The following CSMD3 variants were observed in gnomAD, a reference collection of about 807,000 sequenced individuals.
CSMD3 encodes CUB and Sushi multiple domains 3.
Under a neutral mutation model 435.2 loss-of-function variants are expected in CSMD3, and 177 were observed. The ratio of observed to expected loss-of-function variants is 0.41; its 90% CI spans 0.36 to 0.46. CSMD3 has a LOEUF of 0.46. Among genes scored for constraint, CSMD3 ranks in the 20% least tolerant of loss-of-function variants. The pLI is 0.34. For synonymous variants in CSMD3, 1,656 were observed against 1,520.5 expected (o/e 1.09, Z -2.07); for missense variants, 4,265 against 4,504.6 (o/e 0.95, Z 1.52).
In CSMD3 at chr8:112,958,751, C is replaced by A. The variant is rs183063515; in HGVS notation, c.1343-3990G>T. 7.2e-4 allele frequency among the ~76,000 whole-genome samples: 110 copies of A among 152,198 alleles called. 1 individual carries two copies. The highest frequency in any genetic ancestry group is 2.5e-3 in the African/African-American group (104 of 41,534). The stretch of plus-strand genomic sequence containing the variant: ...AGATTGATTTTGTTTCCAATATCAA[C>A]TTTTTTGATGAAACAGGCATTTGTC... On this transcript the variant is annotated intron_variant, in intron 7 of 70. Transcript: ENST00000297405.
rs749285609 is a variant in CSMD3 at position 112,800,217 on chromosome 8, C to T, written c.1917G>A (p.Leu639=). The change falls in exon 13 of 71, where the codon CTG becomes CTA. Residue 639 remains leucine (L), a synonymous_variant. Transcript: ENST00000297405. The part of the protein sequence containing the change: ...LIVSMSSQMW[L]HLQTDESVGS... Reference sequence around the variant, plus strand: ...CAACACTTTCGTCCGTTTGAAGGTGCAGCCACATTTGGCTACTCATGCTCA... The same window carrying T: ...CAACACTTTCGTCCGTTTGAAGGTGTAGCCACATTTGGCTACTCATGCTCA... 4 of 1,612,938 alleles carry T rather than the reference C, an allele frequency of 2.5e-6. No individual in the cohort carries two copies. The highest frequency in any genetic ancestry group is 2.5e-6 in the Non-Finnish European group (3 of 1,179,168).
At position 112,224,520 on chromosome 8, in the gene CSMD3, C is replaced by A; in HGVS notation, c.*251G>T. 1 of 522,614 alleles carries A rather than the reference C, an allele frequency of 1.9e-6. No individual in the cohort carries two copies. The highest frequency in any genetic ancestry group is 3.5e-6 in the Non-Finnish European group (1 of 289,258). The allele number at this position is 522,614 out of a possible 1,614,324, so 32.4% of individuals were successfully genotyped here. On this transcript the variant is annotated 3_prime_UTR_variant, in exon 71 of 71. Coordinates refer to ENST00000297405, the MANE Select transcript of CSMD3 (RefSeq NM_198123.2). Reference sequence around the variant, plus strand: ...TAAGTTTATATTTTAGAATAATCTCCTTTTTAAAAAAAGCAAATAAACTGT... The same window carrying A: ...TAAGTTTATATTTTAGAATAATCTCATTTTTAAAAAAAGCAAATAAACTGT...
At chr8:113,365,759 GT>G (rs2094307317) in intron 1 of CSMD3, among the ~76,000 whole-genome samples, 1 of 151,938 alleles carries the variant, frequency 6.6e-6, no homozygotes, top group African/African-American at 2.4e-5. Context: ...GTATAGGTGA[GT>G]TTTGTCAATA....
chr8:113,130,401 G>T (rs1372545957), intron 4 of CSMD3, among the ~76,000 whole-genome samples: 1 of 152,074 alleles, frequency 6.6e-6, no homozygotes, highest in Non-Finnish European at 1.5e-5. Context: ...GTCATCACCA[G>T]ATCTGATGAT....
intron 22 of CSMD3, among the ~76,000 whole-genome samples, chr8:112,602,860 A>T (rs528563664): frequency 6.6e-6 from 1 of 152,326 alleles, no homozygotes; most frequent in African/African-American, 2.4e-5. Flanking sequence ...AATGGTAGGC[A>T]ATCACAGCTG....
intron 22 of CSMD3, among the ~76,000 whole-genome samples, chr8:112,607,413 T>A (rs902044645): frequency 3.9e-4 from 60 of 152,138 alleles, no homozygotes; most frequent in African/African-American, 1.4e-3. Flanking sequence ...ATTTAAAGAA[T>A]AATTAACACC....
chr8:112,849,887 T>C (rs1277411443), intron 11 of CSMD3, among the ~76,000 whole-genome samples: 18 of 152,060 alleles, frequency 1.2e-4, no homozygotes, highest in Admixed American at 4.6e-4. Context: ...TTCTAGGTAG[T>C]AGGAAAGAAT....
chr8:113,326,112 G>T (rs898769303), intron 1 of CSMD3, among the ~76,000 whole-genome samples: 1 of 152,184 alleles, frequency 6.6e-6, no homozygotes, highest in African/African-American at 2.4e-5. Context: ...GTTTTTCATG[G>T]TTATCTCCAG....
intron 32 of CSMD3, among the ~76,000 whole-genome samples, chr8:112,417,596 G>A (rs1411291944): frequency 2.6e-5 from 4 of 152,008 alleles, no homozygotes; most frequent in Admixed American, 1.3e-4. Context: ...GAACTGCCTG[G>A]GTGAGATGAG....
At chr8:112,248,616 C>T (rs1814977532) in intron 63 of CSMD3, among the ~76,000 whole-genome samples, 1 of 152,002 alleles carries the variant, frequency 6.6e-6, no homozygotes, top group African/African-American at 2.4e-5. Flanking sequence ...CTTTTTTCTG[C>T]CTTCCCCTTA....
At chr8:113,381,306 T>C (rs1215004182) in intron 1 of CSMD3, among the ~76,000 whole-genome samples, 1 of 152,132 alleles carries the variant, frequency 6.6e-6, no homozygotes, top group Non-Finnish European at 1.5e-5. Context: ...AAATGAAGCA[T>C]TTATATATGA....
At chr8:112,305,966 C>G (rs1166697518) in intron 51 of CSMD3, 41 bp downstream of exon 51, 2 of 1,532,100 alleles carry the variant, frequency 1.3e-6, no homozygotes, top group African/African-American at 1.4e-5. Flanking sequence ...TATAAAATAC[C>G]AAGAGAAAAA....
At chr8:113,254,002 A>G (rs1003208176) in intron 3 of CSMD3, among the ~76,000 whole-genome samples, 3 of 152,098 alleles carry the variant, frequency 2.0e-5, no homozygotes, top group African/African-American at 7.2e-5. Context: ...CTGTTCCTCT[A>G]CAATTAGATA....
intron 1 of CSMD3, among the ~76,000 whole-genome samples, chr8:113,340,789 A>T: frequency 6.6e-6 from 1 of 151,550 alleles, no homozygotes; most frequent in East Asian, 1.9e-4. Context: ...GAATCGCTTG[A>T]GCTTGGAAGT....
rs184350113 is a variant in CSMD3 at position 113,166,060 on chromosome 8, C to G, written c.709+7662G>C. The stretch of plus-strand genomic sequence containing the variant: ...TCTTTTTGCATGAAATTAGACTATA[C>G]ACAGTTAGACAATAACCCAGATCAC... On this transcript the variant is annotated intron_variant, in intron 4 of 70. Transcript: ENST00000297405. 2.0e-5 allele frequency among the ~76,000 whole-genome samples: 3 copies of G among 152,176 alleles called. No individual in the cohort carries two copies. The East Asian group carries it at 5.8e-4, about 29-fold the overall frequency.
At chr8:112,378,579 A>G (rs1328172518) in intron 38 of CSMD3, among the ~76,000 whole-genome samples, 1 of 152,184 alleles carries the variant, frequency 6.6e-6, no homozygotes, top group Non-Finnish European at 1.5e-5. Flanking sequence ...GGGATATTGC[A>G]TATTCTCACG....
intron 32 of CSMD3, among the ~76,000 whole-genome samples, chr8:112,435,705 A>G (rs1814253132): frequency 6.6e-6 from 1 of 152,000 alleles, no homozygotes; most frequent in Non-Finnish European, 1.5e-5. Flanking sequence ...CAGATGGGGC[A>G]CATTTTTTAA....
At chr8:112,800,118 G>A (rs2132328703) in intron 13 of CSMD3, 44 bp downstream of exon 13, 1 of 1,237,632 alleles carries the variant, frequency 8.1e-7, no homozygotes, top group Non-Finnish European at 1.2e-6. Context: ...AATATTCTCT[G>A]GTGGTATTAA....
At chr8:112,285,732 T>C (rs1222413791) in intron 58 of CSMD3, among the ~76,000 whole-genome samples, 1 of 152,136 alleles carries the variant, frequency 6.6e-6, no homozygotes, top group Non-Finnish European at 1.5e-5. Flanking sequence ...TATCTTTCTT[T>C]TTTTTTAAAC....
Sources: gnomAD v4.1 joint callset for allele counts (sites outside exome capture counted in the v4.1 genomes callset) on GRCh38, gnomAD v4.1.1 for gene constraint, MANE v1.5 for transcripts, NCBI Gene and HGNC (gene_info 2026-07-23, HGNC 2026-07-21) for gene names.